DEFB121: variants seen among roughly 807,000 people sequenced by gnomAD.
DEFB121 encodes defensin beta 121, also known as beta-defensin 121.
A neutral mutation model predicts 2.5 loss-of-function variants in DEFB121; 5 were observed. That is an observed-to-expected ratio of 1.96 (90% CI 1.03 to 4.13). The LOEUF (loss-of-function observed/expected upper bound fraction) is 4.13, where lower values mean the gene tolerates loss of function less well. DEFB121 is among the 30% of genes most tolerant of loss of function. The pLI is 0.00. For missense variants in DEFB121, 87 were observed against 85.0 expected (o/e 1.02, Z -0.09); for synonymous variants, 39 against 32.6 (o/e 1.20, Z -0.67).
chr20:31,407,822 G>A (rs1419134300), upstream of DEFB121, among the ~76,000 whole-genome samples: 1 of 152,120 alleles, frequency 6.6e-6, no homozygotes, highest in African/African-American at 2.4e-5. Flanking sequence ...CTGTTGCCCA[G>A]GCTGGAGTGC....
At chr20:31,412,071 C>T (rs1165999165) in intron 1 of DEFB121, among the ~76,000 whole-genome samples, 1 of 152,210 alleles carries the variant, frequency 6.6e-6, no homozygotes, top group Admixed American at 6.5e-5. Flanking sequence ...CCACCCACTT[C>T]TGGTTAGTTC....
intron 1 of DEFB121, among the ~76,000 whole-genome samples, chr20:31,411,585 C>T (rs781271891): frequency 3.3e-5 from 5 of 150,300 alleles, no homozygotes; most frequent in Non-Finnish European, 5.9e-5. Flanking sequence ...AAAAAGAAAG[C>T]GATAAAGATC....
chr20:31,413,886 A>G (rs1978732242), upstream of DEFB121, among the ~76,000 whole-genome samples: 1 of 152,218 alleles, frequency 6.6e-6, no homozygotes, highest in Non-Finnish European at 1.5e-5. Flanking sequence ...TGTGGCCACT[A>G]TGGAAAACGG....
chr20:31,406,159 T>C lies in DEFB121; in HGVS notation c.-7A>G, dbSNP rs1375605173. On this transcript the variant is annotated 5_prime_UTR_variant, in exon 1 of 2. Transcript: ENST00000376314. ...GCAGAAGAAGGAGCTTCATGAATGATGAATGATCAGGGAGGGATAGGAGGC... is the reference window on the plus strand; with the variant it reads ...GCAGAAGAAGGAGCTTCATGAATGACGAATGATCAGGGAGGGATAGGAGGC... 6.2e-6 allele frequency: 10 copies of C among 1,613,918 alleles called. No homozygotes were observed. The African/African-American group carries it at 1.1e-4, about 17-fold the overall frequency.
At chr20:31,417,829 G>A (rs545616108), upstream of DEFB121, among the ~76,000 whole-genome samples, 5 of 152,090 alleles carry the variant, frequency 3.3e-5, no homozygotes, top group South Asian at 1.0e-3. Context: ...CAGGCATGGT[G>A]GTGGGCGCCT....
chr20:31,418,057 G>A, the DEFB121 span, among the ~76,000 whole-genome samples: 267 of 150,470 alleles, frequency 1.8e-3, 2 homozygotes, highest in African/African-American at 6.0e-3. Context: ...TCAGGAGATC[G>A]AGACCATCCC....
At chr20:31,406,590 A>G (rs2122349850), upstream of DEFB121, among the ~76,000 whole-genome samples, 1 of 152,304 alleles carries the variant, frequency 6.6e-6, no homozygotes. Flanking sequence ...TTGATGATTC[A>G]TTATAATACC....
chr20:31,408,042 G>A (rs573833657), upstream of DEFB121, among the ~76,000 whole-genome samples: 14 of 152,330 alleles, frequency 9.2e-5, 2 homozygotes, highest in South Asian at 2.1e-3. Context: ...GCCTCCCAAA[G>A]TGCTGGGATT....
upstream of DEFB121, among the ~76,000 whole-genome samples, chr20:31,410,091 G>T (rs561220394): frequency 6.6e-6 from 1 of 152,198 alleles, no homozygotes; most frequent in South Asian, 2.1e-4. Flanking sequence ...TTTAAAATAA[G>T]CAACAGAATC....
At chr20:31,405,974 C>G in intron 1 of DEFB121, 121 bp downstream of exon 1, 2 of 1,073,852 alleles carry the variant, frequency 1.9e-6, no homozygotes, top group Non-Finnish European at 2.7e-6. Flanking sequence ...GAGAGACTAC[C>G]TAAAGGCCTC....
chr20:31,404,992 C>A lies in DEFB121; in HGVS notation c.152G>T (p.Cys51Phe), dbSNP rs769859074. ...TACAGGTACATACTTGGGATCCACACAGCACTTAGCCTCAGTTTTGCATAA... is the reference window on the plus strand; with the variant it reads ...TACAGGTACATACTTGGGATCCACAAAGCACTTAGCCTCAGTTTTGCATAA... ...YILCKTEAKC[C>F]VDPKYVPVKP... is the part of the protein sequence containing the mutation. Residue 51 changes from cysteine (C) to phenylalanine (F), a missense_variant, in exon 2 of 2, where the codon TGT becomes TTT. Transcript: ENST00000376314. The A allele has an allele frequency of 1.2e-6, 2 of 1,613,950 alleles. No individual in the cohort carries two copies. Among genetic ancestry groups the A allele is most frequent in the African/African-American group, 1.3e-5 (1 of 74,922 alleles).
chr20:31,408,213 G>A (rs115562889), upstream of DEFB121, among the ~76,000 whole-genome samples: 3,053 of 152,278 alleles, frequency 0.02, 69 homozygotes, highest in African/African-American at 0.057. Context: ...GGAGGCTAAG[G>A]CAGGAGGATT....
upstream of DEFB121, among the ~76,000 whole-genome samples, chr20:31,415,485 G>A (rs544106340): frequency 2.8e-4 from 43 of 152,156 alleles, no homozygotes; most frequent in Admixed American, 2.4e-3. Flanking sequence ...CTTGACCTCA[G>A]GTGATCCGCT....
the DEFB121 span, among the ~76,000 whole-genome samples, chr20:31,418,259 C>CAAAAAAAAAAAAAA: frequency 0.011 from 897 of 82,360 alleles, no homozygotes; most frequent in Non-Finnish European, 0.016. Flanking sequence ...GACTCCGTCT[C>CAAAAAAAAAAAAAA]AAAAAAAAAA....
chr20:31,410,478 A>C (rs554697372), upstream of DEFB121, among the ~76,000 whole-genome samples: 1 of 152,316 alleles, frequency 6.6e-6, no homozygotes, highest in East Asian at 1.9e-4. Flanking sequence ...CCTATGTGAG[A>C]GATGGATAGG....
chr20:31,410,743 G>A (rs769810682), upstream of DEFB121, among the ~76,000 whole-genome samples: 9 of 151,396 alleles, frequency 5.9e-5, no homozygotes, highest in Non-Finnish European at 1.2e-4. Flanking sequence ...TCAAGCAAAC[G>A]GCACAACTTC....
At chr20:31,412,296 T>C (rs932936671) in intron 1 of DEFB121, among the ~76,000 whole-genome samples, 1 of 152,196 alleles carries the variant, frequency 6.6e-6, no homozygotes, top group African/African-American at 2.4e-5. Context: ...TGTTGGGCTT[T>C]TTTCTTTGAT....
rs568257194 is a variant in DEFB121, at chr20:31,405,167, T to C, written c.59-82A>G. On this transcript the variant is annotated intron_variant, in intron 1 of 1. Coordinates refer to ENST00000376314, the MANE Select transcript of DEFB121 (RefSeq NM_001011878.3). ...GTGAAAGGAAGAGGCTAAAGCCCAG[T>C]AGAGGAGTAGGAGGGAAATGAGGAG... is the stretch of plus-strand genomic sequence containing the variant. 2.3e-5 allele frequency: 32 copies of C among 1,380,266 alleles called. No individual in the cohort carries two copies. In the South Asian group the frequency reaches 4.4e-4, roughly 19 times the overall value. The allele number at this position is 1,380,266 out of a possible 1,614,324, so 85.5% of individuals were successfully genotyped here.
chr20:31,407,389 G>A (rs994123150), upstream of DEFB121, among the ~76,000 whole-genome samples: 3 of 152,218 alleles, frequency 2.0e-5, no homozygotes, highest in African/African-American at 7.2e-5. Flanking sequence ...CATGTGATTT[G>A]CTTTGGCTAG....
Sources: allele counts gnomAD v4.1 joint callset (sites outside exome capture counted in the v4.1 genomes callset), GRCh38; gene constraint gnomAD v4.1.1; transcripts MANE v1.5; gene names NCBI Gene and HGNC (gene_info 2026-07-23, HGNC 2026-07-21).